The following ANGPT1 variants were observed in gnomAD, a reference collection of about 807,000 sequenced individuals.
The protein encoded by ANGPT1 is angiopoietin-1.
In ANGPT1, 17 loss-of-function variants were observed where a neutral mutation model predicts 62.2. The observed-to-expected ratio is 0.27, with a 90% CI of 0.19 to 0.41. The LOEUF is 0.41. Among genes scored for constraint, ANGPT1 ranks in the 10% least tolerant of loss-of-function variants. The probability of loss-of-function intolerance (pLI) is 1.00; values close to 1 mark genes in which losing one functional copy is unlikely to be tolerated. For synonymous variants in ANGPT1, 199 were observed against 198.9 expected, an observed-to-expected ratio of 1.00 and a Z score of 0.00; for missense variants, 478 against 594.9, an observed-to-expected ratio of 0.80 and a Z score of 2.04.
intron 5 of ANGPT1, among the ~76,000 whole-genome samples, chr8:107,298,217 G>A (rs1358223305): frequency 1.3e-5 from 2 of 151,904 alleles, no homozygotes; most frequent in Non-Finnish European, 2.9e-5. Flanking sequence ...ATGTTCCATA[G>A]AAGTTGGAAT....
intron 8 of ANGPT1, 67 bp downstream of exon 8, chr8:107,264,154 A>G: frequency 6.5e-7 from 1 of 1,531,324 alleles, no homozygotes; most frequent in Non-Finnish European, 8.8e-7. Context: ...CTCCTTTCTC[A>G]TAGATAAGAA....
chr8:107,443,595 GGCCAGGA>G (rs1172948934), intron 1 of ANGPT1, among the ~76,000 whole-genome samples: 1 of 151,400 alleles, frequency 6.6e-6, no homozygotes, highest in Non-Finnish European at 1.5e-5. Flanking sequence ...GATCACCTGA[GGCCAGGA>G]GTTCAAGACC....
chr8:107,461,549 C>T (rs1189931883), intron 1 of ANGPT1, among the ~76,000 whole-genome samples: 1 of 151,566 alleles, frequency 6.6e-6, no homozygotes, highest in Non-Finnish European at 1.5e-5. Context: ...ATAATAATGA[C>T]ACAACCACTG....
Position 107,318,599 on chromosome 8 carries a change from T to C in ANGPT1, c.808+3297A>G, listed in dbSNP as rs185512951. 3.8e-3 allele frequency among the ~76,000 whole-genome samples: 575 copies of C among 152,340 alleles called. 2 individuals carry two copies. The highest frequency in any genetic ancestry group is 6.5e-3 in the Non-Finnish European group (445 of 68,014). ...CTTAACACAGAAGCTATGCGTTTTA[T>C]ACTAACCTCTTTTAATATTTCAACA... On this transcript the variant is annotated intron_variant, in intron 4 of 8. Transcript: ENST00000517746.
intron 1 of ANGPT1, among the ~76,000 whole-genome samples, chr8:107,410,841 ATTTCTCAAAAACT>A (rs887204607): frequency 6.6e-6 from 1 of 152,172 alleles, no homozygotes; most frequent in Non-Finnish European, 1.5e-5. Flanking sequence ...TTGCAGTTAT[ATTTCTCAAAAACT>A]TTGCCCAGTT....
intron 1 of ANGPT1, among the ~76,000 whole-genome samples, chr8:107,430,595 A>G (rs1811158822): frequency 6.6e-6 from 1 of 152,218 alleles, no homozygotes; most frequent in African/African-American, 2.4e-5. Flanking sequence ...ATGAGATTAA[A>G]TCATCCAGGT....
rs73699704 is a variant in ANGPT1 at position 107,437,981 on chromosome 8, G to A, written c.297+59281C>T. Among the ~76,000 whole-genome samples the A allele has an allele frequency of 2.7e-3, 408 of 152,254 alleles. 3 individuals are homozygous for A. Among genetic ancestry groups the A allele is most frequent in the African/African-American group, 9.4e-3 (391 of 41,552 alleles). Reference sequence around the variant, plus strand: ...CCCTCCAGTGCGCTGTGACCCTGCTGGACCTGCGTGACTAGCACACTCTGG... The same window carrying A: ...CCCTCCAGTGCGCTGTGACCCTGCTAGACCTGCGTGACTAGCACACTCTGG... On this transcript the variant is annotated intron_variant, in intron 1 of 8. Transcript: ENST00000517746.
intron 4 of ANGPT1, among the ~76,000 whole-genome samples, chr8:107,307,925 T>C (rs1167815441): frequency 2.0e-5 from 3 of 152,110 alleles, no homozygotes; most frequent in African/African-American, 7.2e-5. Flanking sequence ...CCAAACCAGG[T>C]GTTTGCTCTT....
intron 1 of ANGPT1, among the ~76,000 whole-genome samples, chr8:107,381,343 T>TC (rs1816632810): frequency 6.6e-6 from 1 of 152,188 alleles, no homozygotes. Context: ...GCCCAGAGAT[T>TC]AACCCTATTG....
At chr8:107,357,743 C>G (rs1485603189) in intron 1 of ANGPT1, among the ~76,000 whole-genome samples, 1 of 152,092 alleles carries the variant, frequency 6.6e-6, no homozygotes, top group East Asian at 1.9e-4. Context: ...ATATAAGATA[C>G]TCAAGAACAG....
At chr8:107,283,797 CATCAAGAATTG>C (rs1563549523) in intron 7 of ANGPT1, among the ~76,000 whole-genome samples, 1 of 152,162 alleles carries the variant, frequency 6.6e-6, no homozygotes, top group African/African-American at 2.4e-5. Context: ...ACCTGCTAGG[CATCAAGAATTG>C]CATTAATGAG....
intron 7 of ANGPT1, among the ~76,000 whole-genome samples, chr8:107,266,750 T>C (rs748963885): frequency 1.3e-5 from 2 of 152,186 alleles, no homozygotes; most frequent in Non-Finnish European, 2.9e-5. Flanking sequence ...TGATTTTCTA[T>C]AGTGTCTTTG....
At chr8:107,364,223 T>C (rs1463485460) in intron 1 of ANGPT1, among the ~76,000 whole-genome samples, 1 of 152,152 alleles carries the variant, frequency 6.6e-6, no homozygotes, top group East Asian at 1.9e-4. Context: ...AGTTATATGA[T>C]TAAATAAAGA....
At chr8:107,488,185 T>C (rs914957433) in intron 1 of ANGPT1, among the ~76,000 whole-genome samples, 1 of 152,192 alleles carries the variant, frequency 6.6e-6, no homozygotes, top group Admixed American at 6.5e-5. Flanking sequence ...TTACAATTGG[T>C]ACCCTTAAAC....
chr8:107,398,014 T>C (rs943079651), intron 1 of ANGPT1, among the ~76,000 whole-genome samples: 1 of 152,198 alleles, frequency 6.6e-6, no homozygotes, highest in African/African-American at 2.4e-5. Flanking sequence ...TTGCCCTGTA[T>C]CATGATGCAG....
chr8:107,354,283 A>G (rs1027200158), intron 1 of ANGPT1, among the ~76,000 whole-genome samples: 1 of 152,152 alleles, frequency 6.6e-6, no homozygotes, highest in African/African-American at 2.4e-5. Flanking sequence ...CGTCTGCTTA[A>G]TTTTTTCCTT....
chr8:107,441,853 AG>A (rs1157868940), intron 1 of ANGPT1, among the ~76,000 whole-genome samples: 2 of 152,108 alleles, frequency 1.3e-5, no homozygotes, highest in African/African-American at 2.4e-5. Flanking sequence ...TGGGAGGCCG[AG>A]GTGGGTAGAT....
At chr8:107,456,982 C>G (rs888826521) in intron 1 of ANGPT1, among the ~76,000 whole-genome samples, 10 of 151,926 alleles carry the variant, frequency 6.6e-5, no homozygotes, top group South Asian at 2.1e-4. Flanking sequence ...GATAAAATGA[C>G]TTTTCTTTCT....
intron 1 of ANGPT1, among the ~76,000 whole-genome samples, chr8:107,471,530 T>C (rs918141252): frequency 2.6e-5 from 4 of 152,124 alleles, no homozygotes; most frequent in African/African-American, 9.7e-5. Context: ...GTTCTGCACA[T>C]GTACCCCAGA....
Sources: allele counts gnomAD v4.1 joint callset (sites outside exome capture counted in the v4.1 genomes callset), GRCh38; gene constraint gnomAD v4.1.1; transcripts MANE v1.5; gene names NCBI Gene and HGNC (gene_info 2026-07-23, HGNC 2026-07-21).